STRADA: variants seen among roughly 807,000 people sequenced by gnomAD.
STRADA encodes the protein STE20-related kinase adapter protein alpha.
In STRADA, 26 loss-of-function variants were observed where a neutral mutation model predicts 55.0. The observed-to-expected ratio is 0.47, with a 90% CI of 0.35 to 0.66. STRADA has a LOEUF of 0.66. Among genes scored for constraint, STRADA ranks in the 30% least tolerant of loss-of-function variants. The pLI, the probability that STRADA is intolerant of heterozygous loss-of-function variation, is 0.01. For missense variants in STRADA, 443 were observed against 549.7 expected, an observed-to-expected ratio of 0.81 and a Z score of 1.94; for synonymous variants, 197 against 210.9, an observed-to-expected ratio of 0.93 and a Z score of 0.57.
At chr17:63,711,797 T>C (rs931486128) in intron 6 of STRADA, among the ~76,000 whole-genome samples, 4 of 152,064 alleles carry the variant, frequency 2.6e-5, no homozygotes, top group Non-Finnish European at 1.5e-5. Context: ...TAGTTGAGCA[T>C]GGTGGTGCAT....
At chr17:63,710,459 G>A (rs749650152) in intron 8 of STRADA, 32 bp downstream of exon 8, 1 of 1,612,312 alleles carries the variant, frequency 6.2e-7, no homozygotes, top group Non-Finnish European at 8.5e-7. Flanking sequence ...GCTACCCACT[G>A]TAATCATGGG....
Position 63,711,485 on chromosome 17 carries a change from C to T in STRADA, c.349-649G>A, listed in dbSNP as rs143172107. On this transcript the variant is annotated intron_variant, in intron 6 of 12. Transcript: ENST00000336174. ...CCCACCTCAGCCTCGCTGGTAGCTG[C>T]GACCACAGGTGGACGTCAACATACC... Among the ~76,000 whole-genome samples, 362 of 152,256 alleles carry T rather than the reference C, an allele frequency of 2.4e-3. 4 individuals are homozygous for T. The highest frequency in any genetic ancestry group is 2.0e-3 in the Non-Finnish European group (133 of 68,014).
chr17:63,740,086 C>CTATATATA lies in STRADA; in HGVS notation c.-45+1647_-45+1654dup, dbSNP rs771962134. On this transcript the variant is annotated intron_variant, in intron 1 of 12. Coordinates refer to ENST00000336174, the MANE Select transcript of STRADA (RefSeq NM_001003787.4). Reference sequence around the variant, plus strand: ...CCCAGCCTATCAGAAACATTTAACACTATATATATATATATATATATACAT... The same window carrying CTATATATA: ...CCCAGCCTATCAGAAACATTTAACACTATATATATATATATATATATATATATATACAT... Among the ~76,000 whole-genome samples the CTATATATA allele has an allele frequency of 1.4e-3, 58 of 41,480 alleles. 2 individuals are homozygous for CTATATATA. Among genetic ancestry groups the CTATATATA allele is most frequent in the South Asian group, 2.1e-3 (2 of 948 alleles). 27.2% of individuals were successfully genotyped at this position (41,480 alleles called of 152,430 possible).
Position 63,704,377 on chromosome 17 carries a change from A to G in STRADA, c.1064T>C (p.Phe355Ser). ...GTTGCGCTGAAGGCACTGCTCCACAAAGTGGTGGAAGTGGGGGGAGAAGGT... is the reference window on the plus strand; with the variant it reads ...GTTGCGCTGAAGGCACTGCTCCACAGAGTGGTGGAAGTGGGGGGAGAAGGT... ...HRTFSPHFHH[F>S]VEQCLQRNPD... The change falls in exon 11 of 13, where the codon TTT becomes TCT. Residue 355 changes from phenylalanine to serine, a missense_variant. Physicochemically the swap from Phe to Ser is radical, Grantham distance 155. Transcript: ENST00000336174. 2 of 1,612,456 alleles carry G rather than the reference A, an allele frequency of 1.2e-6. No homozygotes were observed. Among genetic ancestry groups the G allele is most frequent in the Non-Finnish European group, 1.7e-6 (2 of 1,179,464 alleles).
Position 63,707,442 on chromosome 17 carries a change from T to C in STRADA, c.582-24A>G, listed in dbSNP as rs188028886. ...TCCTGGGGAAGCGGGGAGGGTGTCA[T>C]GTCGAGAGCAGGAGCCCCTCCTGCT... On this transcript the variant is annotated intron_variant, in intron 8 of 12. Coordinates refer to ENST00000336174, the MANE Select transcript of STRADA (RefSeq NM_001003787.4). The C allele has an allele frequency of 1.9e-4, 308 of 1,608,132 alleles. No individual in the cohort carries two copies. The African/African-American group carries it at 3.1e-3, about 16-fold the overall frequency.
intron 1 of STRADA, among the ~76,000 whole-genome samples, chr17:63,738,341 A>C (rs1415305088): frequency 1.4e-5 from 1 of 69,596 alleles, no homozygotes; most frequent in East Asian, 2.3e-4. Flanking sequence ...ACTCCGACTC[A>C]AAAAAAAAAA....
intron 1 of STRADA, among the ~76,000 whole-genome samples, chr17:63,736,269 G>A (rs566640763): frequency 4.1e-4 from 62 of 151,870 alleles, no homozygotes; most frequent in Non-Finnish European, 7.5e-4. Context: ...TTATTTTAAT[G>A]TACTCCAAAT....
intron 1 of STRADA, chr17:63,741,027 C>G (rs1048235610): frequency 1.3e-5 from 2 of 152,092 alleles, no homozygotes; most frequent in African/African-American, 4.8e-5. Flanking sequence ...TCTACTTGAA[C>G]AGATATTACA....
chr17:63,708,853 C>T (rs1353769086), intron 8 of STRADA, among the ~76,000 whole-genome samples: 2 of 152,110 alleles, frequency 1.3e-5, no homozygotes, highest in Non-Finnish European at 2.9e-5. Context: ...GCCCTACCTC[C>T]TACGAATGCT....
chr17:63,734,723 C>T (rs2144276822), intron 1 of STRADA, among the ~76,000 whole-genome samples: 1 of 152,270 alleles, frequency 6.6e-6, no homozygotes, highest in South Asian at 2.1e-4. Context: ...ATTAATCTTT[C>T]CCTAACAGCA....
At chr17:63,728,170 A>G in intron 2 of STRADA, 164 bp downstream of exon 2, 4 of 577,160 alleles carry the variant, frequency 6.9e-6, no homozygotes, top group Non-Finnish European at 1.2e-5. Flanking sequence ...CTGTCTGCAA[A>G]CTCTTCTCAG....
At chr17:63,729,951 C>T (rs1353372434) in intron 1 of STRADA, among the ~76,000 whole-genome samples, 2 of 151,708 alleles carry the variant, frequency 1.3e-5, no homozygotes, top group Non-Finnish European at 2.9e-5. Flanking sequence ...GATTCTCCTG[C>T]CCCAGCCTCC....
At chr17:63,714,141 G>A (rs752702665) in intron 4 of STRADA, 33 bp from the exon 5 acceptor site, 1 of 1,442,162 alleles carries the variant, frequency 6.9e-7, no homozygotes, top group Admixed American at 1.7e-5. Context: ...GGTTAGTAGA[G>A]AAAACTGGGG....
chr17:63,730,725 A>AT (rs1242377638), intron 1 of STRADA, among the ~76,000 whole-genome samples: 5 of 151,462 alleles, frequency 3.3e-5, no homozygotes, highest in East Asian at 1.9e-4. Flanking sequence ...CACCTGGCTA[A>AT]TTTTTTTGTA....
At chr17:63,728,467 T>C (rs541971722) in intron 1 of STRADA, 54 bp from the exon 2 acceptor site, 7 of 995,774 alleles carry the variant, frequency 7.0e-6, no homozygotes, top group South Asian at 4.5e-5. Flanking sequence ...TATAGAGAAA[T>C]ATCTTCTGAT....
chr17:63,710,691 A>G, intron 7 of STRADA, 37 bp downstream of exon 7: 1 of 1,614,088 alleles, frequency 6.2e-7, no homozygotes, highest in Non-Finnish European at 8.5e-7. Flanking sequence ...ACAGAGTCCC[A>G]ATAACCCCTT....
At chr17:63,714,392 TA>T in intron 4 of STRADA, 1 of 362,288 alleles carries the variant, frequency 2.8e-6, no homozygotes, top group Non-Finnish European at 5.4e-6. Context: ...ATGCATTTGC[TA>T]AAAGCTATGA....
At chr17:63,732,588 G>A (rs1201660456) in intron 1 of STRADA, among the ~76,000 whole-genome samples, 2 of 152,166 alleles carry the variant, frequency 1.3e-5, no homozygotes, top group Non-Finnish European at 2.9e-5. Context: ...TGGAGCTCAG[G>A]AGTTCAAGAC....
At chr17:63,713,188 A>C (rs1268659237) in intron 6 of STRADA, among the ~76,000 whole-genome samples, 1 of 152,112 alleles carries the variant, frequency 6.6e-6, no homozygotes, top group Non-Finnish European at 1.5e-5. Flanking sequence ...ATGAATAAAA[A>C]AGCCAGAAGG....
Sources: gnomAD v4.1 joint callset for allele counts (sites outside exome capture counted in the v4.1 genomes callset) on GRCh38, gnomAD v4.1.1 for gene constraint, MANE v1.5 for transcripts, NCBI Gene and HGNC (gene_info 2026-07-23, HGNC 2026-07-21) for gene names.